Variants in CTNND2 observed in about 807,000 individuals in gnomAD.
CTNND2 encodes the protein catenin delta-2.
A neutral mutation model predicts 144.4 loss-of-function variants in CTNND2; 22 were observed. That is an observed-to-expected ratio of 0.15 (90% CI 0.11 to 0.22). The LOEUF (loss-of-function observed/expected upper bound fraction) is 0.22. Ranked by LOEUF, CTNND2 falls within the 10% of genes least tolerant of loss-of-function variation. The probability of loss-of-function intolerance (pLI) is 1.00; values close to 1 mark genes in which losing one functional copy is unlikely to be tolerated. For missense variants in CTNND2, 1,353 were observed against 1,618.8 expected, an observed-to-expected ratio of 0.84 and a Z score of 2.82; for synonymous variants, 751 against 695.6, an observed-to-expected ratio of 1.08 and a Z score of -1.25.
rs575334074 is a variant in CTNND2 at position 11,584,567 on chromosome 5, T to A, written c.175-19511A>T. On this transcript the variant is annotated intron_variant, in intron 2 of 21. Coordinates refer to ENST00000304623, the MANE Select transcript of CTNND2 (RefSeq NM_001332.4). ...CACAATGTAATTAGCCACAATGCAG[T>A]GTTTATTAAATTCCTAGAGATTACA... Among the ~76,000 whole-genome samples the A allele has an allele frequency of 3.9e-5, 6 of 152,196 alleles. No homozygotes were observed. In the South Asian group the frequency reaches 1.2e-3, roughly 32 times the overall value.
intron 16 of CTNND2, among the ~76,000 whole-genome samples, chr5:11,049,905 G>A (rs1745657316): frequency 6.6e-6 from 1 of 152,140 alleles, no homozygotes; most frequent in Admixed American, 6.5e-5. Context: ...ATACTCTTCT[G>A]TCCATGTTGC....
At chr5:11,548,572 G>A (rs1223864830) in intron 3 of CTNND2, among the ~76,000 whole-genome samples, 1 of 152,132 alleles carries the variant, frequency 6.6e-6, no homozygotes, top group African/African-American at 2.4e-5. Context: ...ATGTAGTTCA[G>A]TATAATATTT....
In CTNND2 at chr5:11,384,975, G is replaced by A; in HGVS notation, c.867C>T (p.Gly289=). Residue 289 remains glycine (G), a synonymous_variant, in exon 7 of 22, where the codon GGC becomes GGT. Transcript: ENST00000304623. The surrounding 1 kb of genome is among the most constrained non-coding windows in gnomAD (Gnocchi z 5.2). ...AGCCGCGCGGCGCGGCGTAGGTGGC[G>A]CCCTCGGGGGCCGAGCCGCCGCGCT... ...KLQRGGSAPE[G]ATYAAPRGSS... 6.5e-7 allele frequency: 1 copy of A among 1,535,582 alleles called. No homozygotes were observed. Among genetic ancestry groups the A allele is most frequent in the South Asian group, 1.2e-5 (1 of 83,686 alleles).
chr5:11,266,221 C>G (rs530539389), intron 9 of CTNND2, among the ~76,000 whole-genome samples: 2 of 152,184 alleles, frequency 1.3e-5, no homozygotes, highest in Non-Finnish European at 2.9e-5. Context: ...ACCACTTGGG[C>G]TTTGTTTGAA....
At chr5:11,351,165 G>T (rs1466066817) in intron 8 of CTNND2, among the ~76,000 whole-genome samples, 1 of 151,910 alleles carries the variant, frequency 6.6e-6, no homozygotes, top group Non-Finnish European at 1.5e-5. Context: ...CTGGACTGTT[G>T]AACACTTTTC....
rs575443916 is a variant in CTNND2, at chr5:11,059,274, C to T, written c.2788+23422G>A. On this transcript the variant is annotated intron_variant, in intron 16 of 21. Coordinates refer to ENST00000304623, the MANE Select transcript of CTNND2 (RefSeq NM_001332.4). ...AATTCCCACATGTCATGGGAAGAAC[C>T]TAGTGGGAGGTAACTGAATCATGGG... is the stretch of plus-strand genomic sequence containing the variant. 3.2e-4 allele frequency among the ~76,000 whole-genome samples: 49 copies of T among 152,276 alleles called. 1 individual carries two copies. The highest frequency in any genetic ancestry group is 1.1e-3 in the African/African-American group (46 of 41,558).
intron 9 of CTNND2, among the ~76,000 whole-genome samples, chr5:11,344,068 T>A (rs1221850319): frequency 6.6e-6 from 1 of 152,196 alleles, no homozygotes; most frequent in African/African-American, 2.4e-5. Context: ...AGAATTACTA[T>A]ATTTTGGACC....
chr5:11,096,308 C>T lies in CTNND2; in HGVS notation c.2637+2267G>A, dbSNP rs528170084. ...TTAGGTATTTCTCCTAATGCTATCC[C>T]TCTCCTAGCCCCCCACCCCTGCCAG... On this transcript the variant is annotated intron_variant, in intron 15 of 21. Coordinates refer to ENST00000304623, the MANE Select transcript of CTNND2 (RefSeq NM_001332.4). Among the ~76,000 whole-genome samples the T allele has an allele frequency of 5.3e-5, 8 of 152,266 alleles. No homozygotes were observed. The South Asian group carries it at 1.7e-3, about 32-fold the overall frequency.
At chr5:11,277,283 A>G (rs1378043325) in intron 9 of CTNND2, among the ~76,000 whole-genome samples, 1 of 152,122 alleles carries the variant, frequency 6.6e-6, no homozygotes, top group Non-Finnish European at 1.5e-5. Context: ...CCTTTTACTG[A>G]GAACAACAGA....
At chr5:11,775,229 T>C (rs73047178) in intron 1 of CTNND2, among the ~76,000 whole-genome samples, 2,826 of 152,320 alleles carry the variant, frequency 0.019, 42 homozygotes, top group South Asian at 0.065. Flanking sequence ...AGACATTTCC[T>C]AAATTCTCGG....
At chr5:11,764,368 T>C (rs1789456152) in intron 1 of CTNND2, among the ~76,000 whole-genome samples, 1 of 152,150 alleles carries the variant, frequency 6.6e-6, no homozygotes, top group African/African-American at 2.4e-5. Context: ...GTCACCACAT[T>C]TGTGACAATC....
At chr5:11,553,977 A>T (rs1159016948) in intron 3 of CTNND2, among the ~76,000 whole-genome samples, 1 of 152,192 alleles carries the variant, frequency 6.6e-6, no homozygotes, top group Non-Finnish European at 1.5e-5. Context: ...TGATGTAAGA[A>T]ATATGTCAAA....
At chr5:11,429,663 A>C (rs574493601) in intron 3 of CTNND2, among the ~76,000 whole-genome samples, 2 of 152,336 alleles carry the variant, frequency 1.3e-5, no homozygotes, top group South Asian at 2.1e-4. Flanking sequence ...CATACAAGCC[A>C]TCGATACATT....
In CTNND2 at chr5:10,973,388, C is replaced by CAGAA. The variant is rs1424452012; in HGVS notation, c.*61_*64dup. On this transcript the variant is annotated 3_prime_UTR_variant, in exon 22 of 22. Coordinates refer to ENST00000304623, the MANE Select transcript of CTNND2 (RefSeq NM_001332.4). This position sits in a 1 kb window ranked among gnomAD's most constrained non-coding sequence, Gnocchi z 5.6. ...AAATTTGCAGGAGAAAAAAACAAAA[C>CAGAA]AGAAAGAAATGTCTTGTGGTATGCA... is the stretch of plus-strand genomic sequence containing the variant. 1 of 1,437,606 alleles carries CAGAA rather than the reference C, an allele frequency of 7.0e-7. No homozygotes were observed. Among genetic ancestry groups the CAGAA allele is most frequent in the Non-Finnish European group, 9.2e-7 (1 of 1,091,346 alleles). 89.1% of individuals were successfully genotyped at this position (1,437,606 alleles called of 1,614,324 possible). A position where few individuals can be genotyped will look rare whatever the true frequency, so the allele number is the denominator to read the frequency against.
intron 2 of CTNND2, among the ~76,000 whole-genome samples, chr5:11,676,960 A>C (rs1444472826): frequency 6.6e-6 from 1 of 152,220 alleles, no homozygotes; most frequent in African/African-American, 2.4e-5. Flanking sequence ...TTTAAAAGAT[A>C]ATCCAAAACT....
chr5:11,240,432 A>G, intron 9 of CTNND2, among the ~76,000 whole-genome samples: 1 of 101,756 alleles, frequency 9.8e-6, no homozygotes, highest in African/African-American at 4.0e-5. Context: ...ACACACACTC[A>G]CACACACCCA....
chr5:11,712,042 A>C (rs930512417), intron 2 of CTNND2, among the ~76,000 whole-genome samples: 1 of 152,202 alleles, frequency 6.6e-6, no homozygotes, highest in African/African-American at 2.4e-5. Flanking sequence ...TAAAAGACTT[A>C]AGATCTTTGC....
intron 5 of CTNND2, among the ~76,000 whole-genome samples, chr5:11,403,092 G>A (rs1025726407): frequency 2.0e-5 from 3 of 152,186 alleles, no homozygotes. Flanking sequence ...ATGTGCAGGT[G>A]TGTTACATAG....
chr5:11,601,323 A>G (rs953192583), intron 2 of CTNND2, among the ~76,000 whole-genome samples: 3 of 151,992 alleles, frequency 2.0e-5, no homozygotes, highest in Non-Finnish European at 4.4e-5. Context: ...ATTCTTCTCC[A>G]TTTTGCATAG....
Sources: gnomAD v4.1 joint callset for allele counts (sites outside exome capture counted in the v4.1 genomes callset) on GRCh38, gnomAD v4.1.1 for gene constraint, Gnocchi (gnomAD v3.1) non-coding constraint, MANE v1.5 for transcripts, NCBI Gene and HGNC (gene_info 2026-07-23, HGNC 2026-07-21) for gene names.